The following ADD3 variants were observed in gnomAD, a reference collection of about 807,000 sequenced individuals.
ADD3 encodes gamma-adducin.
ADD3 carries 25 observed loss-of-function variants against 80.2 expected under a neutral mutation model. The ratio of observed to expected loss-of-function variants is 0.31; its 90% CI spans 0.23 to 0.44. The LOEUF is 0.44. Among genes scored for constraint, ADD3 ranks in the 20% least tolerant of loss-of-function variants. ADD3 has a pLI of 1.00. For missense variants in ADD3, 829 were observed against 847.5 expected (o/e 0.98, Z 0.27); for synonymous variants, 284 against 289.6 (o/e 0.98, Z 0.20).
Position 110,116,316 on chromosome 10 carries a change from T to G in ADD3, c.392T>G (p.Val131Gly). The G allele has an allele frequency of 6.2e-7, 1 of 1,614,122 alleles. No individual in the cohort carries two copies. Among genetic ancestry groups the G allele is most frequent in the Non-Finnish European group, 8.5e-7 (1 of 1,179,994 alleles). ...CCTGGTGCAGATACATCCTCATATG[T>G]GAAGGGAGAAAAACTTACTCGCTGT... is the stretch of plus-strand genomic sequence containing the variant. ...DLPGADTSSY[V>G]KGEKLTRCKL... The change falls in exon 4 of 15, where the codon GTG becomes GGG. Residue 131 changes from valine (V) to glycine (G), a missense_variant. Val to Gly is a moderately radical substitution (Grantham distance 109). Coordinates refer to ENST00000356080, the MANE Select transcript of ADD3 (RefSeq NM_016824.5).
chr10:110,040,578 G>A (rs1317320759), intron 1 of ADD3, among the ~76,000 whole-genome samples: 1 of 152,186 alleles, frequency 6.6e-6, no homozygotes, highest in Non-Finnish European at 1.5e-5. Flanking sequence ...ATACCATGTT[G>A]TGGAATTTGG....
chr10:110,059,465 G>A (rs966155813), intron 1 of ADD3, among the ~76,000 whole-genome samples: 36 of 151,676 alleles, frequency 2.4e-4, no homozygotes, highest in Admixed American at 2.0e-3. Flanking sequence ...AAGTGAGCAA[G>A]ACTCTGTCTC....
rs574649564 is a variant in ADD3 at position 110,124,986 on chromosome 10, AGACAGTTCTTCCAATGTGGCCCAG to A, written c.1401+714_1401+737del. ...GTTGGTGTATTTTATATGTGGCCCAAGACAGTTCTTCCAATGTGGCCCAGGGAAGTCAAAAGATTGGACACCACA... is the reference window on the plus strand; with the variant it reads ...GTTGGTGTATTTTATATGTGGCCCAAGGAAGTCAAAAGATTGGACACCACA... On this transcript the variant is annotated intron_variant, in intron 10 of 14. Transcript: ENST00000356080. Among the ~76,000 whole-genome samples, 41 of 152,342 alleles carry A rather than the reference AGACAGTTCTTCCAATGTGGCCCAG, an allele frequency of 2.7e-4. 1 individual carries two copies. The South Asian group carries it at 8.1e-3, about 30-fold the overall frequency.
intron 12 of ADD3, 91 bp from the exon 13 acceptor site, chr10:110,130,272 A>G: frequency 1.6e-6 from 2 of 1,277,722 alleles, no homozygotes; most frequent in Non-Finnish European, 2.2e-6. Context: ...CAAACATCAT[A>G]TTTGCATTTA....
chr10:110,027,507 T>G (rs144133755), intron 1 of ADD3, among the ~76,000 whole-genome samples: 1 of 152,348 alleles, frequency 6.6e-6, no homozygotes, highest in African/African-American at 2.4e-5. Flanking sequence ...ATTTAAAATA[T>G]AATTTCAACA....
chr10:110,041,351 C>T (rs943475952), intron 1 of ADD3, among the ~76,000 whole-genome samples: 8 of 152,116 alleles, frequency 5.3e-5, no homozygotes, highest in African/African-American at 1.9e-4. Context: ...CTGTTGAATA[C>T]CAAGGTATAA....
intron 1 of ADD3, among the ~76,000 whole-genome samples, chr10:110,058,963 A>G (rs1842389585): frequency 6.6e-6 from 1 of 152,204 alleles, no homozygotes; most frequent in South Asian, 2.1e-4. Flanking sequence ...ATCTTTTAAA[A>G]TTATAGTTTA....
intron 1 of ADD3, among the ~76,000 whole-genome samples, chr10:110,084,392 A>G (rs1314824552): frequency 1.3e-5 from 2 of 152,216 alleles, no homozygotes; most frequent in Non-Finnish European, 2.9e-5. Context: ...AGTTTATTTA[A>G]TGTACAGTAG....
chr10:110,121,498 A>G (rs1851494362), intron 8 of ADD3, among the ~76,000 whole-genome samples: 1 of 152,194 alleles, frequency 6.6e-6, no homozygotes, highest in African/African-American at 2.4e-5. Flanking sequence ...AAATAAATAA[A>G]TAAATAAAGC....
intron 1 of ADD3, among the ~76,000 whole-genome samples, chr10:110,069,020 G>A (rs1589970749): frequency 6.6e-6 from 1 of 152,114 alleles, no homozygotes. Context: ...TGTGGCTGCA[G>A]TGAGCCATGA....
chr10:110,003,775 T>C (rs1035486989), upstream of ADD3, among the ~76,000 whole-genome samples: 3 of 152,146 alleles, frequency 2.0e-5, no homozygotes, highest in African/African-American at 7.2e-5. Context: ...TACAATTTAA[T>C]TGGAGAATAC....
intron 12 of ADD3, 73 bp from the exon 13 acceptor site, chr10:110,130,290 A>G (rs1852787543): frequency 8.9e-6 from 13 of 1,467,242 alleles, no homozygotes; most frequent in Admixed American, 3.5e-5. Context: ...TTATGTGTAT[A>G]TAGATGGATG....
intron 1 of ADD3, among the ~76,000 whole-genome samples, chr10:110,080,008 A>T (rs1446315509): frequency 6.6e-6 from 1 of 152,118 alleles, no homozygotes; most frequent in Non-Finnish European, 1.5e-5. Context: ...CCGTTTTGGG[A>T]TAGAACCCAG....
chr10:110,106,930 G>T (rs1849461108), intron 2 of ADD3, among the ~76,000 whole-genome samples: 1 of 152,026 alleles, frequency 6.6e-6, no homozygotes, highest in Non-Finnish European at 1.5e-5. Flanking sequence ...AGACAGCAGG[G>T]ATTTCTCATT....
At position 110,047,275 on chromosome 10, in the gene ADD3, A is replaced by T. The variant is rs192695531; in HGVS notation, c.-30+38976A>T. On this transcript the variant is annotated intron_variant, in intron 1 of 14. Transcript: ENST00000356080. The stretch of plus-strand genomic sequence containing the variant: ...ATTTACAAAGTAGATTTGCCGACTT[A>T]ACACACTTTTAGCAACAGTCTGAGT... Among the ~76,000 whole-genome samples, 654 of 152,360 alleles carry T rather than the reference A, an allele frequency of 4.3e-3. 6 individuals are homozygous for T. Among genetic ancestry groups the T allele is most frequent in the Non-Finnish European group, 6.7e-3 (455 of 68,034 alleles).
intron 8 of ADD3, among the ~76,000 whole-genome samples, chr10:110,120,876 C>T (rs1311006816): frequency 3.9e-5 from 6 of 151,916 alleles, no homozygotes; most frequent in Non-Finnish European, 5.9e-5. Context: ...CTTTGACAAA[C>T]CTGAGAAAAA....
intron 1 of ADD3, among the ~76,000 whole-genome samples, chr10:110,062,249 C>T (rs1454132720): frequency 7.5e-6 from 1 of 133,752 alleles, no homozygotes; most frequent in Non-Finnish European, 1.5e-5. Flanking sequence ...ACTAAGTTAG[C>T]TGGGCATGGT....
intron 8 of ADD3, chr10:110,119,802 A>G (rs1027426089): frequency 1.0e-5 from 4 of 399,394 alleles, no homozygotes; most frequent in Non-Finnish European, 1.8e-5. Context: ...CATTTTCCCT[A>G]CAATCCTGCT....
At chr10:110,019,157 A>G (rs547580733) in intron 1 of ADD3, among the ~76,000 whole-genome samples, 1 of 152,244 alleles carries the variant, frequency 6.6e-6, no homozygotes, top group South Asian at 2.1e-4. Context: ...TATGTGGATG[A>G]TGGATGGATG....
Sources: allele counts gnomAD v4.1 joint callset (sites outside exome capture counted in the v4.1 genomes callset), GRCh38; gene constraint gnomAD v4.1.1; transcripts MANE v1.5; gene names NCBI Gene and HGNC (gene_info 2026-07-23, HGNC 2026-07-21).